Variants in HAGH observed in about 807,000 individuals in gnomAD.
HAGH encodes hydroxyacylglutathione hydrolase, also known as hydroxyacylglutathione hydrolase, mitochondrial.
Under a neutral mutation model 35.1 loss-of-function variants are expected in HAGH, and 29 were observed. That is an observed-to-expected ratio of 0.83 (90% CI 0.62 to 1.13). The LOEUF is 1.13. Among genes scored for constraint, HAGH ranks in the 50% most tolerant of loss-of-function variants. The pLI is 0.00. For missense variants in HAGH, 478 were observed against 419.6 expected (o/e 1.14, Z -1.22); for synonymous variants, 225 against 176.1 (o/e 1.28, Z -2.20).
At chr16:1,826,432 C>G (rs1250158039) in intron 1 of HAGH, 1 of 435,520 alleles carries the variant, frequency 2.3e-6, no homozygotes, top group Non-Finnish European at 3.0e-6. Flanking sequence ...ACGCGATGCC[C>G]TGGAGGCGTC....
Position 1,809,737 on chromosome 16 carries a change from C to G in HAGH, c.827+17G>C. On this transcript the variant is annotated intron_variant, in intron 8 of 8. Transcript: ENST00000397356. ...AGAGGGGAGGGGCCCGCGCCCACCACCTGCCCTGGGCCTCACCTCACTCTC... is the reference window on the plus strand; with the variant it reads ...AGAGGGGAGGGGCCCGCGCCCACCAGCTGCCCTGGGCCTCACCTCACTCTC... 6.3e-7 allele frequency: 1 copy of G among 1,589,300 alleles called. No homozygotes were observed.
At chr16:1,811,025 G>A (rs1897625893) in intron 7 of HAGH, 1 of 152,260 alleles carries the variant, frequency 6.6e-6, no homozygotes, top group Non-Finnish European at 1.5e-5. Context: ...AACAGAGGAA[G>A]TACAAATTGT....
At chr16:1,823,333 T>C (rs886553881) in intron 1 of HAGH, among the ~76,000 whole-genome samples, 5 of 150,660 alleles carry the variant, frequency 3.3e-5, no homozygotes, top group African/African-American at 1.2e-4. Context: ...AGTGGCGCGA[T>C]CTCGGCTCAC....
Position 1,808,868 on chromosome 16 carries a change from C to G in HAGH, c.*415G>C, listed in dbSNP as rs72547235. ...CTCCAGGAAGAAGACGCGGCCACCT[C>G]TCCCTGCCGGGGGCCTGAGCAGATC... On this transcript the variant is annotated 3_prime_UTR_variant, in exon 9 of 9. Transcript: ENST00000397356. 3.6e-3 allele frequency: 589 copies of G among 164,420 alleles called. 8 individuals are homozygous for G. The highest frequency in any genetic ancestry group is 0.013 in the African/African-American group (565 of 42,080). 10.2% of individuals were successfully genotyped at this position (164,420 alleles called of 1,614,324 possible).
In HAGH at chr16:1,809,209, C is replaced by T; in HGVS notation, c.*74G>A. On this transcript the variant is annotated 3_prime_UTR_variant, in exon 9 of 9. Coordinates refer to ENST00000397356, the MANE Select transcript of HAGH (RefSeq NM_005326.6). ...TAAGGTTAAATCAAGACTGAATTTC[C>T]CGCACGGACCAGCAGGAAAGCCAGT... 2 of 1,002,934 alleles carry T rather than the reference C, an allele frequency of 2.0e-6. No homozygotes were observed. The highest frequency in any genetic ancestry group is 2.4e-5 in the East Asian group (1 of 41,398). The allele number at this position is 1,002,934 out of a possible 1,614,324, so 62.1% of individuals were successfully genotyped here. A position where few individuals can be genotyped will look rare whatever the true frequency, so the allele number is the denominator to read the frequency against.
At chr16:1,822,718 T>C (rs531683108) in intron 2 of HAGH, 147 bp downstream of exon 2, 5 of 689,862 alleles carry the variant, frequency 7.2e-6, no homozygotes, top group African/African-American at 1.8e-5. Context: ...CCACCCTTCT[T>C]GGAGCCCTGT....
chr16:1,822,591 C>T (rs1335621966), intron 2 of HAGH, among the ~76,000 whole-genome samples: 1 of 152,164 alleles, frequency 6.6e-6, no homozygotes, highest in Non-Finnish European at 1.5e-5. Context: ...CTCCAAGCCC[C>T]TCCAGCTCTG....
chr16:1,816,361 T>G (rs12596094), intron 7 of HAGH, among the ~76,000 whole-genome samples: 19,857 of 152,088 alleles, frequency 0.13, 1,678 homozygotes, highest in South Asian at 0.2. Flanking sequence ...AAAACAACCC[T>G]GTCAGAGGCA....
intron 5 of HAGH, 141 bp downstream of exon 5, chr16:1,818,974 G>A (rs985767211): frequency 3.2e-6 from 2 of 615,932 alleles, no homozygotes; most frequent in East Asian, 2.8e-5. Flanking sequence ...GCCCCACCAT[G>A]AGGCTCCCCA....
rs1390736414 is a variant in HAGH at position 1,823,314 on chromosome 16, C to G, written c.77-277G>C. Reference sequence around the variant, plus strand: ...ACGGAGTCTCGCTCTGTCGCCCAGGCTGGAGTGCAGTGGCGCGATCTCGGC... The same window carrying G: ...ACGGAGTCTCGCTCTGTCGCCCAGGGTGGAGTGCAGTGGCGCGATCTCGGC... On this transcript the variant is annotated intron_variant, in intron 1 of 8. Coordinates refer to ENST00000397356, the MANE Select transcript of HAGH (RefSeq NM_005326.6). Among the ~76,000 whole-genome samples the G allele has an allele frequency of 2.0e-5, 3 of 149,458 alleles. No individual in the cohort carries two copies. In the East Asian group the frequency reaches 6.0e-4, roughly 30 times the overall value.
At chr16:1,815,278 GA>G (rs1251943234) in intron 7 of HAGH, among the ~76,000 whole-genome samples, 1 of 152,124 alleles carries the variant, frequency 6.6e-6, no homozygotes, top group African/African-American at 2.4e-5. Flanking sequence ...ACCATTTTTG[GA>G]AAACGGTTCA....
At chr16:1,814,022 C>G (rs1285205875) in intron 7 of HAGH, among the ~76,000 whole-genome samples, 3 of 152,116 alleles carry the variant, frequency 2.0e-5, no homozygotes, top group Admixed American at 2.0e-4. Context: ...ACCCTCACCT[C>G]GCACCACACA....
chr16:1,821,958 T>TG (rs1276283249), intron 3 of HAGH: 3,265 of 209,662 alleles, frequency 0.016, 58 homozygotes, highest in Non-Finnish European at 0.015. Flanking sequence ...TTTTGTTTTT[T>TG]TTTTTTTTAA....
At chr16:1,822,782 C>A (rs1898210381) in intron 2 of HAGH, 83 bp downstream of exon 2, 1 of 1,172,344 alleles carries the variant, frequency 8.5e-7, no homozygotes, top group Non-Finnish European at 1.3e-6. Context: ...GTTGCAAGGA[C>A]ACTGCGGTTA....
At chr16:1,820,132 G>C (rs55786131) in intron 3 of HAGH, 118 bp from the exon 4 acceptor site, 3 of 724,220 alleles carry the variant, frequency 4.1e-6, no homozygotes, top group Admixed American at 2.1e-5. Context: ...CTAGTCAAAC[G>C]CAACACTTAT....
chr16:1,813,282 C>T (rs528036603), intron 7 of HAGH, among the ~76,000 whole-genome samples: 3 of 152,326 alleles, frequency 2.0e-5, no homozygotes, highest in African/African-American at 4.8e-5. Context: ...CAGCTCCTTT[C>T]GCCTTCTGCC....
At chr16:1,813,763 A>G (rs568935834) in intron 7 of HAGH, among the ~76,000 whole-genome samples, 78 of 152,372 alleles carry the variant, frequency 5.1e-4, no homozygotes, top group Middle Eastern at 3.4e-3. Flanking sequence ...ATTTTGAAAA[A>G]GAACACTGGA....
At position 1,826,821 on chromosome 16, in the gene HAGH, G is replaced by T; in HGVS notation, c.-34C>A. 1 of 1,230,188 alleles carries T rather than the reference G, an allele frequency of 8.1e-7. No individual in the cohort carries two copies. The highest frequency in any genetic ancestry group is 1.0e-6 in the Non-Finnish European group (1 of 975,404). The allele number at this position is 1,230,188 out of a possible 1,614,324, so 76.2% of individuals were successfully genotyped here. Reference sequence around the variant, plus strand: ...CCGGGCTGGACTGCCGAGCTGCCCAGGACTGCAAAACACCGGCGTCGGCGC... The same window carrying T: ...CCGGGCTGGACTGCCGAGCTGCCCATGACTGCAAAACACCGGCGTCGGCGC... On this transcript the variant is annotated 5_prime_UTR_variant, in exon 1 of 9. In the 5' UTR this introduces an upstream ATG that the reference lacks. Transcript: ENST00000397356.
intron 7 of HAGH, among the ~76,000 whole-genome samples, chr16:1,815,078 G>C (rs1316923405): frequency 6.6e-6 from 1 of 151,866 alleles, no homozygotes; most frequent in Non-Finnish European, 1.5e-5. Context: ...AACTTCATGA[G>C]AAGGCATCCA....
Sources: allele counts gnomAD v4.1 joint callset (sites outside exome capture counted in the v4.1 genomes callset), GRCh38; gene constraint gnomAD v4.1.1; transcripts MANE v1.5; gene names NCBI Gene and HGNC (gene_info 2026-07-23, HGNC 2026-07-21).